The following GPAM variants were observed in gnomAD, a reference collection of about 807,000 sequenced individuals.
GPAM encodes the protein glycerol-3-phosphate acyltransferase 1, mitochondrial.
A neutral mutation model predicts 105.0 loss-of-function variants in GPAM; 56 were observed. That is an observed-to-expected ratio of 0.53 (90% CI 0.43 to 0.67). The LOEUF (loss-of-function observed/expected upper bound fraction) is 0.67. Among genes scored for constraint, GPAM ranks in the 30% least tolerant of loss-of-function variants. The pLI is 0.00. For synonymous variants in GPAM, 368 were observed against 354.4 expected (o/e 1.04, Z -0.43); for missense variants, 855 against 989.8 (o/e 0.86, Z 1.83).
At chr10:112,169,423 C>A (rs933948333) in intron 9 of GPAM, among the ~76,000 whole-genome samples, 1 of 152,148 alleles carries the variant, frequency 6.6e-6, no homozygotes, top group Non-Finnish European at 1.5e-5. Context: ...ACAGAGGATC[C>A]TTGTGAGACA....
upstream of GPAM, among the ~76,000 whole-genome samples, chr10:112,185,188 C>T (rs936735790): frequency 2.0e-5 from 3 of 152,066 alleles, no homozygotes; most frequent in South Asian, 2.1e-4. Context: ...AGGATTAAAC[C>T]GTTTTTGAGA....
chr10:112,177,949 G>C (rs1340281302), intron 5 of GPAM, 35 bp downstream of exon 5: 3 of 1,115,528 alleles, frequency 2.7e-6, no homozygotes, highest in Non-Finnish European at 1.4e-6. Flanking sequence ...TTTTTCTTTT[G>C]AGATGTATTA....
At chr10:112,198,844 GA>G (rs1293477762) in intron 1 of GPAM, among the ~76,000 whole-genome samples, 2 of 151,702 alleles carry the variant, frequency 1.3e-5, no homozygotes, top group African/African-American at 4.8e-5. Context: ...CTTCAGCCTT[GA>G]AAAAAGAAGA....
chr10:112,182,399 G>A (rs1343658722), intron 2 of GPAM, among the ~76,000 whole-genome samples: 1 of 152,140 alleles, frequency 6.6e-6, no homozygotes, highest in Non-Finnish European at 1.5e-5. Flanking sequence ...ACAAAGCTCT[G>A]AAAGAAAAGC....
Position 112,153,396 on chromosome 10 carries a change from T to A in GPAM, c.*154A>T. On this transcript the variant is annotated 3_prime_UTR_variant, in exon 22 of 22. Transcript: ENST00000348367. Reference sequence around the variant, plus strand: ...GATGCAGAGCTGGGAAGATCACAGATCCATGGAGGGAGAAGGCACTTGTCT... The same window carrying A: ...GATGCAGAGCTGGGAAGATCACAGAACCATGGAGGGAGAAGGCACTTGTCT... 3 of 1,578,834 alleles carry A rather than the reference T, an allele frequency of 1.9e-6. No individual in the cohort carries two copies. In the Admixed American group the frequency reaches 5.1e-5, roughly 27 times the overall value.
intron 1 of GPAM, among the ~76,000 whole-genome samples, chr10:112,200,227 GTATA>G (rs66664923): frequency 0.019 from 1,651 of 84,950 alleles, 15 homozygotes; most frequent in Non-Finnish European, 0.028. Context: ...CACACTATAT[GTATA>G]TATATATATA....
At chr10:112,212,507 C>T (rs1449605202) in intron 1 of GPAM, among the ~76,000 whole-genome samples, 1 of 152,168 alleles carries the variant, frequency 6.6e-6, no homozygotes, top group Non-Finnish European at 1.5e-5. Context: ...TCATGATCCG[C>T]CCGCATCGAC....
In GPAM at chr10:112,173,752, T is replaced by C. The variant is rs1342152242; in HGVS notation, c.507A>G (p.Lys169=). The C allele has an allele frequency of 1.2e-6, 2 of 1,613,830 alleles. No homozygotes were observed. Among genetic ancestry groups the C allele is most frequent in the Admixed American group, 3.3e-5 (2 of 60,026 alleles). ...CCATTTCTTGAAGAATCCTTTTAGC[T>C]TTCTTTTTCACTTTGTTAACGGCTT... ...QSKAVNKVKK[K]AKRILQEMVA... Residue 169 remains lysine (K), a synonymous_variant, in exon 7 of 22, where the codon AAA becomes AAG. Coordinates refer to ENST00000348367, the MANE Select transcript of GPAM (RefSeq NM_001244949.2).
chr10:112,200,682 A>C (rs1367145338), intron 1 of GPAM, among the ~76,000 whole-genome samples: 1 of 152,146 alleles, frequency 6.6e-6, no homozygotes, highest in Non-Finnish European at 1.5e-5. Context: ...AGGAGAATGA[A>C]GAAGAGAACA....
intron 18 of GPAM, among the ~76,000 whole-genome samples, chr10:112,157,948 A>C (rs1200547080): frequency 6.6e-6 from 1 of 152,196 alleles, no homozygotes; most frequent in African/African-American, 2.4e-5. Flanking sequence ...TGGTTTGTTT[A>C]CTTATTTATG....
the GPAM span, among the ~76,000 whole-genome samples, chr10:112,221,560 C>G: frequency 6.6e-6 from 1 of 152,176 alleles, no homozygotes; most frequent in South Asian, 2.1e-4. Context: ...GGCTCTAGGT[C>G]TGAAGAACCT....
upstream of GPAM, among the ~76,000 whole-genome samples, chr10:112,216,705 C>A (rs900305737): frequency 3.3e-5 from 5 of 151,972 alleles, no homozygotes; most frequent in African/African-American, 1.2e-4. Flanking sequence ...CTCACTGCAG[C>A]CTCTGCCTCC....
upstream of GPAM, among the ~76,000 whole-genome samples, chr10:112,219,444 T>C (rs1172719612): frequency 6.6e-6 from 1 of 152,218 alleles, no homozygotes; most frequent in Non-Finnish European, 1.5e-5. Flanking sequence ...TCACAGCCCC[T>C]GGATCTTGAT....
In GPAM at chr10:112,153,253, T is replaced by G. The variant is rs2133220616; in HGVS notation, c.*297A>C. 14 of 1,211,732 alleles carry G rather than the reference T, an allele frequency of 1.2e-5. No individual in the cohort carries two copies. The highest frequency in any genetic ancestry group is 1.5e-5 in the Non-Finnish European group (14 of 961,438). The allele number at this position is 1,211,732 out of a possible 1,614,324, so 75.1% of individuals were successfully genotyped here. Reference sequence around the variant, plus strand: ...TAGTCCTTAAAAGTTGTACTTAAAATGTCAATCTTTAATAAACTCAAAAAT... The same window carrying G: ...TAGTCCTTAAAAGTTGTACTTAAAAGGTCAATCTTTAATAAACTCAAAAAT... On this transcript the variant is annotated 3_prime_UTR_variant, in exon 22 of 22. Transcript: ENST00000348367.
Position 112,173,722 on chromosome 10 carries a change from G to A in GPAM, c.537C>T (p.Ala179=). ...KAKRILQEMV[A]TVSPAMIRLT... ...ACCTGATCATTGCCGGTGAGACAGT[G>A]GCAACCATTTCTTGAAGAATCCTTT... The change falls in exon 7 of 22, where the codon GCC becomes GCT. Residue 179 remains alanine, a synonymous_variant. Transcript: ENST00000348367. 1 of 1,613,806 alleles carries A rather than the reference G, an allele frequency of 6.2e-7. No individual in the cohort carries two copies. The highest frequency in any genetic ancestry group is 8.5e-7 in the Non-Finnish European group (1 of 1,179,740).
chr10:112,218,956 C>A (rs1046709432), upstream of GPAM, among the ~76,000 whole-genome samples: 4 of 152,238 alleles, frequency 2.6e-5, no homozygotes, highest in African/African-American at 9.6e-5. Context: ...GTCTTTACTG[C>A]ATCCTGTTGT....
At chr10:112,225,901 C>T in the GPAM span, among the ~76,000 whole-genome samples, 5 of 152,142 alleles carry the variant, frequency 3.3e-5, no homozygotes, top group African/African-American at 9.7e-5. Context: ...TTTATTAAAT[C>T]GATATAATGA....
intron 14 of GPAM, 42 bp downstream of exon 14, chr10:112,163,659 G>T: frequency 1.1e-6 from 1 of 939,286 alleles, no homozygotes; most frequent in Non-Finnish European, 1.8e-6. Flanking sequence ...ATACCATGAT[G>T]AATCTAAATT....
In GPAM at chr10:112,158,337, A is replaced by G. The variant is rs144873485; in HGVS notation, c.1959T>C (p.Tyr653=). The G allele has an allele frequency of 1.9e-5, 30 of 1,597,426 alleles. No individual in the cohort carries two copies. In the African/African-American group the frequency reaches 3.1e-4, roughly 16 times the overall value. Residue 653 remains tyrosine, a synonymous_variant, in exon 18 of 22, where the codon TAT becomes TAC. Transcript: ENST00000348367. ...TTACCTCTGCCACTGTAAGAATGCC[A>G]TACTGGATAAACTTTCCTACTGTTT... The part of the protein sequence containing the change: ...CHETVGKFIQ[Y]GILTVAEHDD...
Sources: allele counts gnomAD v4.1 joint callset (sites outside exome capture counted in the v4.1 genomes callset), GRCh38; gene constraint gnomAD v4.1.1; transcripts MANE v1.5; gene names NCBI Gene and HGNC (gene_info 2026-07-23, HGNC 2026-07-21).